NIM1K: variants seen among roughly 807,000 people sequenced by gnomAD.
NIM1K encodes NIM1 serine/threonine protein kinase, also known as serine/threonine-protein kinase NIM1.
NIM1K carries 35 observed loss-of-function variants against 37.1 expected under a neutral mutation model. That is an observed-to-expected ratio of 0.94 (90% CI 0.72 to 1.25). The LOEUF is 1.25. NIM1K is among the 50% of genes most tolerant of loss of function. NIM1K has a pLI of 0.00. For missense variants in NIM1K, 564 were observed against 548.0 expected, an observed-to-expected ratio of 1.03 and a Z score of -0.29; for synonymous variants, 234 against 206.6, an observed-to-expected ratio of 1.13 and a Z score of -1.14.
rs1334048020 is a variant in NIM1K, at chr5:43,204,864, C to T, written c.-695+12453C>T. Reference sequence around the variant, plus strand: ...TACAAAATTTAGCTGGGTGAGGTGGCGCTCGCCTGTAGTCCCAGCTACTTG... The same window carrying T: ...TACAAAATTTAGCTGGGTGAGGTGGTGCTCGCCTGTAGTCCCAGCTACTTG... On this transcript the variant is annotated intron_variant, in intron 1 of 3. Coordinates refer to ENST00000326035, the MANE Select transcript of NIM1K (RefSeq NM_153361.4). 3.3e-5 allele frequency among the ~76,000 whole-genome samples: 5 copies of T among 151,998 alleles called. No homozygotes were observed. In the South Asian group the frequency reaches 6.2e-4, roughly 19 times the overall value.
At chr5:43,223,208 T>C (rs1195759559) in intron 1 of NIM1K, among the ~76,000 whole-genome samples, 3 of 151,138 alleles carry the variant, frequency 2.0e-5, no homozygotes, top group Admixed American at 6.6e-5. Flanking sequence ...TAGCACACAG[T>C]GGTGCTTAAG....
At chr5:43,209,056 A>G (rs1752167109) in intron 1 of NIM1K, among the ~76,000 whole-genome samples, 1 of 152,266 alleles carries the variant, frequency 6.6e-6, no homozygotes. Flanking sequence ...ATGCTTTAAA[A>G]TAAAGTAAAT....
At chr5:43,237,438 C>T in intron 1 of NIM1K, among the ~76,000 whole-genome samples, 1 of 152,198 alleles carries the variant, frequency 6.6e-6, no homozygotes, top group Non-Finnish European at 1.5e-5. Flanking sequence ...AGTTTCTAAG[C>T]TCTCATTAAT....
At chr5:43,217,378 A>G (rs908727249) in intron 1 of NIM1K, among the ~76,000 whole-genome samples, 1 of 151,542 alleles carries the variant, frequency 6.6e-6, no homozygotes, top group Non-Finnish European at 1.5e-5. Flanking sequence ...TCAGTTGATG[A>G]ATATTGGATT....
chr5:43,221,094 G>T (rs1038149425), intron 1 of NIM1K, among the ~76,000 whole-genome samples: 1 of 152,176 alleles, frequency 6.6e-6, no homozygotes, highest in Non-Finnish European at 1.5e-5. Flanking sequence ...ATAAGGTGTG[G>T]AGATAAATAA....
At chr5:43,201,408 C>CAAA (rs59067037) in intron 1 of NIM1K, among the ~76,000 whole-genome samples, 1 of 143,956 alleles carries the variant, frequency 6.9e-6, no homozygotes, top group African/African-American at 2.6e-5. Flanking sequence ...GACTCCGTCT[C>CAAA]AAAAAAAAAA....
At chr5:43,260,925 G>A (rs1269526374) in intron 2 of NIM1K, among the ~76,000 whole-genome samples, 6 of 152,092 alleles carry the variant, frequency 3.9e-5, no homozygotes, top group African/African-American at 9.7e-5. Flanking sequence ...CCATGTCCCT[G>A]CAAAGGACAT....
chr5:43,199,307 TTGAAA>T (rs1470491695), intron 1 of NIM1K, among the ~76,000 whole-genome samples: 1 of 149,378 alleles, frequency 6.7e-6, no homozygotes, highest in African/African-American at 2.5e-5. Context: ...TATAAAGTAG[TTGAAA>T]TGAAATAATG....
intron 1 of NIM1K, among the ~76,000 whole-genome samples, chr5:43,244,010 T>C (rs554308646): frequency 6.6e-6 from 1 of 152,368 alleles, no homozygotes; most frequent in East Asian, 1.9e-4. Flanking sequence ...TCCAGATTCC[T>C]TTCTCTCTAT....
intron 2 of NIM1K, among the ~76,000 whole-genome samples, chr5:43,260,383 T>C (rs1180034251): frequency 3.9e-5 from 6 of 152,152 alleles, no homozygotes. Flanking sequence ...TGGCTTTTGT[T>C]ATTTTGAGTT....
intron 1 of NIM1K, among the ~76,000 whole-genome samples, chr5:43,234,737 C>T (rs531145812): frequency 2.0e-5 from 3 of 152,290 alleles, no homozygotes; most frequent in South Asian, 4.1e-4. Context: ...TGGGTTCAAA[C>T]GATTCTCCTG....
At chr5:43,207,428 T>C in intron 1 of NIM1K, 1 of 858,692 alleles carries the variant, frequency 1.2e-6, no homozygotes, top group Non-Finnish European at 2.0e-6. Flanking sequence ...TAAAGGAGAC[T>C]GCTATCAGGT....
chr5:43,279,694 A>G (rs960060427), intron 3 of NIM1K, among the ~76,000 whole-genome samples: 2 of 152,230 alleles, frequency 1.3e-5, no homozygotes, highest in Admixed American at 6.5e-5. Flanking sequence ...CAGAATGTGT[A>G]GTTTCATAAG....
At chr5:43,264,603 G>A (rs1160057878) in intron 2 of NIM1K, among the ~76,000 whole-genome samples, 1 of 152,074 alleles carries the variant, frequency 6.6e-6, no homozygotes, top group African/African-American at 2.4e-5. Context: ...TTAATTGGAG[G>A]ATTTAGCCTA....
At chr5:43,213,176 T>C (rs1313935612) in intron 1 of NIM1K, among the ~76,000 whole-genome samples, 5 of 74,692 alleles carry the variant, frequency 6.7e-5, no homozygotes, top group South Asian at 8.4e-4. Flanking sequence ...TTTCTTTCTT[T>C]CTTTCTTTCT....
At chr5:43,276,087 G>A (rs2111565309) in intron 2 of NIM1K, among the ~76,000 whole-genome samples, 1 of 152,056 alleles carries the variant, frequency 6.6e-6, no homozygotes, top group South Asian at 2.1e-4. Context: ...TAGAGATAGG[G>A]TTTCACCATG....
chr5:43,254,527 T>C (rs1259174217), intron 2 of NIM1K, among the ~76,000 whole-genome samples: 2 of 152,196 alleles, frequency 1.3e-5, no homozygotes, highest in Non-Finnish European at 2.9e-5. Flanking sequence ...GTGTTATAAA[T>C]AATAAACACT....
chr5:43,221,550 C>T (rs1421052934), intron 1 of NIM1K, among the ~76,000 whole-genome samples: 4 of 152,076 alleles, frequency 2.6e-5, no homozygotes, highest in Non-Finnish European at 5.9e-5. Context: ...GACCAATTCT[C>T]CAATTGGGCA....
At chr5:43,249,298 T>C (rs1316707634) in intron 2 of NIM1K, among the ~76,000 whole-genome samples, 2 of 152,014 alleles carry the variant, frequency 1.3e-5, no homozygotes, top group African/African-American at 4.8e-5. Context: ...CTCGATTTCC[T>C]GACCTCGTGA....
Sources: gnomAD v4.1 joint callset for allele counts (sites outside exome capture counted in the v4.1 genomes callset) on GRCh38, gnomAD v4.1.1 for gene constraint, MANE v1.5 for transcripts, NCBI Gene and HGNC (gene_info 2026-07-23, HGNC 2026-07-21) for gene names.